Variants in WWOX observed in about 807,000 individuals in gnomAD.
The protein encoded by WWOX is WW domain-containing oxidoreductase.
Under a neutral mutation model 46.2 loss-of-function variants are expected in WWOX, and 69 were observed. The ratio of observed to expected loss-of-function variants is 1.49; its 90% CI spans 1.23 to 1.82. WWOX has a LOEUF of 1.82. WWOX is among the 40% of genes most tolerant of loss of function. WWOX has a pLI of 0.00. For synonymous variants in WWOX, 359 were observed against 202.6 expected, an observed-to-expected ratio of 1.77 and a Z score of -6.56; for missense variants, 919 against 542.6, an observed-to-expected ratio of 1.69 and a Z score of -6.89.
chr16:78,269,569 G>A (rs562511628), intron 5 of WWOX, among the ~76,000 whole-genome samples: 4 of 152,124 alleles, frequency 2.6e-5, no homozygotes, highest in Non-Finnish European at 4.4e-5. Flanking sequence ...TCAGCAGTCC[G>A]GCATTGCCAT....
At position 78,617,335 on chromosome 16, in the gene WWOX, G is replaced by T. The variant is rs148247042; in HGVS notation, c.1056+184583G>T. On this transcript the variant is annotated intron_variant, in intron 8 of 8. Transcript: ENST00000566780. Reference sequence around the variant, plus strand: ...AAGGATCACTTGAGCCCAGGAGGCAGAGGTTGCAGTGAGCCGACATTGCAC... The same window carrying T: ...AAGGATCACTTGAGCCCAGGAGGCATAGGTTGCAGTGAGCCGACATTGCAC... Among the ~76,000 whole-genome samples, 300 of 151,156 alleles carry T rather than the reference G, an allele frequency of 2.0e-3. 2 individuals are homozygous for T. Among genetic ancestry groups the T allele is most frequent in the African/African-American group, 7.0e-3 (290 of 41,226 alleles).
rs1368968780 is a variant in WWOX at position 78,340,874 on chromosome 16, T to C, written c.517-45986T>C. ...GTATCATGCCACTGTTCTCACCTGT[T>C]TATGTTCTCTTCTGATAATAAACTT... is the stretch of plus-strand genomic sequence containing the variant. On this transcript the variant is annotated intron_variant, in intron 5 of 8. Coordinates refer to ENST00000566780, the MANE Select transcript of WWOX (RefSeq NM_016373.4). Among the ~76,000 whole-genome samples, 4 of 118,972 alleles carry C rather than the reference T, an allele frequency of 3.4e-5. 2 individuals are homozygous for C. The highest frequency in any genetic ancestry group is 8.0e-5 in the Non-Finnish European group (4 of 50,124). The allele number at this position is 118,972 out of a possible 152,430, so 78.1% of individuals were successfully genotyped here.
intron 8 of WWOX, among the ~76,000 whole-genome samples, chr16:78,813,051 A>G (rs998230467): frequency 6.6e-6 from 1 of 151,952 alleles, no homozygotes; most frequent in Non-Finnish European, 1.5e-5. Context: ...CCGTCTAGTT[A>G]TAGGAAAATA....
chr16:78,957,996 G>A (rs768011947), intron 8 of WWOX, among the ~76,000 whole-genome samples: 16 of 152,118 alleles, frequency 1.1e-4, no homozygotes, highest in South Asian at 6.2e-4. Flanking sequence ...TATTTAATGC[G>A]TTTCTACATT....
intron 8 of WWOX, among the ~76,000 whole-genome samples, chr16:78,786,153 G>A (rs1414209653): frequency 6.6e-6 from 1 of 152,102 alleles, no homozygotes; most frequent in Non-Finnish European, 1.5e-5. Flanking sequence ...CCGGTGATCT[G>A]CCTGTCTCCG....
chr16:79,065,961 G>A (rs1215076973), intron 8 of WWOX, among the ~76,000 whole-genome samples: 2 of 152,184 alleles, frequency 1.3e-5, no homozygotes, highest in Non-Finnish European at 2.9e-5. Context: ...ATTAGCTCAT[G>A]TCTCTCCTCT....
At position 78,219,299 on chromosome 16, in the gene WWOX, G is replaced by T. The variant is rs78315936; in HGVS notation, c.516+55010G>T. On this transcript the variant is annotated intron_variant, in intron 5 of 8. Coordinates refer to ENST00000566780, the MANE Select transcript of WWOX (RefSeq NM_016373.4). Reference sequence around the variant, plus strand: ...ATATGAATCTAGATGAACATTGAGTGTTTTGCTCTTCTTGTTAATTTGCGC... The same window carrying T: ...ATATGAATCTAGATGAACATTGAGTTTTTTGCTCTTCTTGTTAATTTGCGC... 8.6e-3 allele frequency among the ~76,000 whole-genome samples: 1,303 copies of T among 152,252 alleles called. 31 individuals are homozygous for T. Among genetic ancestry groups the T allele is most frequent in the African/African-American group, 0.03 (1,254 of 41,550 alleles).
chr16:78,569,323 T>A (rs1183382285), intron 8 of WWOX, among the ~76,000 whole-genome samples: 1 of 152,226 alleles, frequency 6.6e-6, no homozygotes, highest in East Asian at 1.9e-4. Context: ...ATGTCCTATT[T>A]CATATCACTG....
chr16:78,582,495 G>T (rs923213914), intron 8 of WWOX, among the ~76,000 whole-genome samples: 1 of 152,102 alleles, frequency 6.6e-6, no homozygotes, highest in Non-Finnish European at 1.5e-5. Flanking sequence ...CTCTTTTGGT[G>T]TATGATGACA....
intron 8 of WWOX, among the ~76,000 whole-genome samples, chr16:79,017,888 C>G (rs373842289): frequency 6.6e-6 from 1 of 152,086 alleles, no homozygotes; most frequent in East Asian, 1.9e-4. Flanking sequence ...TTGCTGACAT[C>G]CAGGCTAGAT....
intron 8 of WWOX, among the ~76,000 whole-genome samples, chr16:78,719,435 G>A (rs770756680): frequency 2.0e-5 from 3 of 152,330 alleles, no homozygotes; most frequent in South Asian, 2.1e-4. Context: ...GCACAATTTC[G>A]GGTGGACTGT....
chr16:79,023,968 A>AAAC (rs1352151962), intron 8 of WWOX, among the ~76,000 whole-genome samples: 2 of 110,202 alleles, frequency 1.8e-5, no homozygotes, highest in Non-Finnish European at 3.8e-5. Context: ...AACAAACAAA[A>AAAC]AAAACATTAT....
intron 8 of WWOX, among the ~76,000 whole-genome samples, chr16:78,836,902 C>G (rs751838207): frequency 2.0e-5 from 3 of 151,996 alleles, no homozygotes; most frequent in Non-Finnish European, 4.4e-5. Flanking sequence ...GAAGTTTTTT[C>G]TTTTTTCAGA....
intron 8 of WWOX, chr16:78,897,791 G>C (rs1201565368): frequency 6.6e-6 from 1 of 152,134 alleles, no homozygotes; most frequent in African/African-American, 2.4e-5. Context: ...CCCGCTAGAA[G>C]TGTGTAAGAG....
chr16:78,249,130 G>A (rs927764648), intron 5 of WWOX, among the ~76,000 whole-genome samples: 1 of 152,102 alleles, frequency 6.6e-6, no homozygotes, highest in Admixed American at 6.5e-5. Flanking sequence ...TGAGATTACA[G>A]GCGTGAGCCA....
chr16:78,689,490 C>G (rs1427828815), intron 8 of WWOX, among the ~76,000 whole-genome samples: 3 of 152,198 alleles, frequency 2.0e-5, no homozygotes, highest in Admixed American at 6.5e-5. Flanking sequence ...AGACCTTGAC[C>G]TTGCTCCTCT....
In WWOX at chr16:79,061,271, G is replaced by A. The variant is rs985930920; in HGVS notation, c.1057-150337G>A. Among the ~76,000 whole-genome samples the A allele has an allele frequency of 8.1e-4, 124 of 152,152 alleles. 1 individual carries two copies. The highest frequency in any genetic ancestry group is 1.4e-3 in the Non-Finnish European group (97 of 68,030). ...TCCAAATTTATGGTTGGTGCAGACT[G>A]GATTTTTACAATTTGTGCTTAGTAG... On this transcript the variant is annotated intron_variant, in intron 8 of 8. Transcript: ENST00000566780.
intron 5 of WWOX, among the ~76,000 whole-genome samples, chr16:78,336,209 C>T (rs2080884276): frequency 6.6e-6 from 1 of 151,794 alleles, no homozygotes; most frequent in African/African-American, 2.4e-5. Context: ...CATGGTGGCT[C>T]ATGCCTGTGA....
rs2045089610 is a variant in WWOX, at chr16:78,910,780, G to A, written c.1057-300828G>A. Among the ~76,000 whole-genome samples, 4 of 151,892 alleles carry A rather than the reference G, an allele frequency of 2.6e-5. No homozygotes were observed. The South Asian group carries it at 8.3e-4, about 32-fold the overall frequency. On this transcript the variant is annotated intron_variant, in intron 8 of 8. Transcript: ENST00000566780. The stretch of plus-strand genomic sequence containing the variant: ...TACTCACTATCACAGAAACAACATG[G>A]CAAAGACCCATCCCCATGATTCAGT...
Sources: gnomAD v4.1 joint callset for allele counts (sites outside exome capture counted in the v4.1 genomes callset) on GRCh38, gnomAD v4.1.1 for gene constraint, MANE v1.5 for transcripts, NCBI Gene and HGNC (gene_info 2026-07-23, HGNC 2026-07-21) for gene names.